SLCO5A1: variants seen among roughly 807,000 people sequenced by gnomAD.
SLCO5A1 encodes organic anion transporter polypeptide-related protein 4.
A neutral mutation model predicts 65.1 loss-of-function variants in SLCO5A1; 39 were observed. The observed-to-expected ratio is 0.60, with a 90% CI of 0.46 to 0.78. The LOEUF is 0.78. SLCO5A1 is among the 30% of genes least tolerant of loss of function. The pLI, the probability that SLCO5A1 is intolerant of heterozygous loss-of-function variation, is 0.00. For missense variants in SLCO5A1, 1,029 were observed against 1,069.4 expected, an observed-to-expected ratio of 0.96 and a Z score of 0.53; for synonymous variants, 438 against 415.7, an observed-to-expected ratio of 1.05 and a Z score of -0.65.
At chr8:69,774,312 G>A (rs146841408) in intron 2 of SLCO5A1, among the ~76,000 whole-genome samples, 5 of 152,270 alleles carry the variant, frequency 3.3e-5, no homozygotes, top group African/African-American at 1.2e-4. Flanking sequence ...CCCCAATAGA[G>A]TCCTTGATTT....
chr8:69,787,139 C>T (rs979220709), intron 2 of SLCO5A1, among the ~76,000 whole-genome samples: 7 of 152,174 alleles, frequency 4.6e-5, no homozygotes, highest in Admixed American at 4.6e-4. Context: ...CATTTCAACT[C>T]GTGGCATCTA....
rs568677179 is a variant in SLCO5A1 at position 69,780,441 on chromosome 8, G to T, written c.908-18566C>A. ...TGGAGGACTGGATAAAGAAAATGTG[G>T]TACATATACACAATGGAAAACTATT... On this transcript the variant is annotated intron_variant, in intron 2 of 9. Transcript: ENST00000260126. Among the ~76,000 whole-genome samples the T allele has an allele frequency of 1.9e-4, 29 of 152,234 alleles. No individual in the cohort carries two copies. In the South Asian group the frequency reaches 6.0e-3, roughly 32 times the overall value.
At chr8:69,684,216 T>A (rs1813909830) in intron 6 of SLCO5A1, among the ~76,000 whole-genome samples, 1 of 152,208 alleles carries the variant, frequency 6.6e-6, no homozygotes, top group Non-Finnish European at 1.5e-5. Context: ...CTAGTGGGTC[T>A]CCACTGGGTC....
At chr8:69,725,631 G>C (rs563599409) in intron 5 of SLCO5A1, among the ~76,000 whole-genome samples, 2 of 152,260 alleles carry the variant, frequency 1.3e-5, no homozygotes, top group South Asian at 4.2e-4. Flanking sequence ...GGGATGGTGG[G>C]ATGTTTGTTA....
intron 2 of SLCO5A1, among the ~76,000 whole-genome samples, chr8:69,795,014 G>A (rs1819431224): frequency 1.3e-5 from 2 of 152,154 alleles, no homozygotes; most frequent in African/African-American, 4.8e-5. Flanking sequence ...GCACTGAGGG[G>A]ATGGTGCTAA....
intron 6 of SLCO5A1, 91 bp from the exon 7 acceptor site, chr8:69,682,434 A>G (rs1168749124): frequency 1.6e-6 from 2 of 1,274,980 alleles, no homozygotes; most frequent in Non-Finnish European, 2.1e-6. Flanking sequence ...TCCATTTTAG[A>G]GAAAATATTC....
chr8:69,762,512 C>G (rs1435908480), intron 2 of SLCO5A1, among the ~76,000 whole-genome samples: 1 of 151,784 alleles, frequency 6.6e-6, no homozygotes, highest in South Asian at 2.1e-4. Flanking sequence ...GTGTTCAGAC[C>G]CCACTCCAGA....
At chr8:69,716,456 A>G (rs1014358142) in intron 5 of SLCO5A1, among the ~76,000 whole-genome samples, 8 of 152,206 alleles carry the variant, frequency 5.3e-5, no homozygotes, top group East Asian at 1.9e-4. Flanking sequence ...AAGGATTCCA[A>G]TTTCTACACA....
intron 2 of SLCO5A1, among the ~76,000 whole-genome samples, chr8:69,772,051 G>T (rs1818340088): frequency 6.6e-6 from 1 of 152,168 alleles, no homozygotes; most frequent in African/African-American, 2.4e-5. Flanking sequence ...CATCAAGACT[G>T]CTGCCCTCAT....
chr8:69,736,432 T>A (rs2130841854), intron 5 of SLCO5A1, among the ~76,000 whole-genome samples: 2 of 152,322 alleles, frequency 1.3e-5, no homozygotes, highest in South Asian at 4.1e-4. Context: ...ACTGCACTAC[T>A]CTCCCACTAA....
chr8:69,804,507 G>A (rs558590790), intron 2 of SLCO5A1, among the ~76,000 whole-genome samples: 15 of 152,060 alleles, frequency 9.9e-5, no homozygotes, highest in African/African-American at 3.1e-4. Context: ...GTAGAGGCGG[G>A]GTTTCACCAT....
At chr8:69,789,389 T>C (rs6472484) in intron 2 of SLCO5A1, among the ~76,000 whole-genome samples, 148,496 of 152,336 alleles carry the variant, frequency 0.97, 72,419 homozygotes, top group East Asian at 1. Flanking sequence ...TGTTTTAGCT[T>C]CCTAGGCAAG....
At chr8:69,756,216 C>G (rs987789126) in intron 3 of SLCO5A1, among the ~76,000 whole-genome samples, 1 of 152,130 alleles carries the variant, frequency 6.6e-6, no homozygotes. Flanking sequence ...ACCAGCCTGG[C>G]CAACATGGTG....
intron 2 of SLCO5A1, among the ~76,000 whole-genome samples, chr8:69,802,509 C>T (rs1290580900): frequency 7.7e-6 from 1 of 130,116 alleles, no homozygotes; most frequent in Non-Finnish European, 1.6e-5. Flanking sequence ...GACCCTATTT[C>T]AAAAAAACAC....
At chr8:69,729,446 C>CAAAAAAAAAAAAAAAA (rs56392223) in intron 5 of SLCO5A1, among the ~76,000 whole-genome samples, 3 of 80,524 alleles carry the variant, frequency 3.7e-5, no homozygotes, top group Non-Finnish European at 4.3e-5. Context: ...TCCGTCCCAA[C>CAAAAAAAAAAAAAAAA]AAAAAAAAAA....
intron 4 of SLCO5A1, among the ~76,000 whole-genome samples, chr8:69,749,307 G>C (rs1479748885): frequency 6.6e-6 from 1 of 151,992 alleles, no homozygotes; most frequent in African/African-American, 2.4e-5. Context: ...TCCCATATCA[G>C]TTGTCACACC....
intron 2 of SLCO5A1, among the ~76,000 whole-genome samples, chr8:69,769,582 T>C (rs1317908954): frequency 6.6e-6 from 1 of 152,246 alleles, no homozygotes; most frequent in East Asian, 1.9e-4. Flanking sequence ...AATTCTCTAA[T>C]AACTATTATT....
At chr8:69,797,756 C>T (rs1374423884) in intron 2 of SLCO5A1, among the ~76,000 whole-genome samples, 1 of 152,222 alleles carries the variant, frequency 6.6e-6, no homozygotes, top group Non-Finnish European at 1.5e-5. Flanking sequence ...GTTGTCTGCT[C>T]TCAAACCCTG....
rs1452743170 is a variant in SLCO5A1, at chr8:69,730,421, T to C, written c.1423+7619A>G. On this transcript the variant is annotated intron_variant, in intron 5 of 9. Transcript: ENST00000260126. Reference sequence around the variant, plus strand: ...TTTGGGAAAGTTATTTAATCTAAGATTTTAGGGAAGGAAGAATTATAGAGT... The same window carrying C: ...TTTGGGAAAGTTATTTAATCTAAGACTTTAGGGAAGGAAGAATTATAGAGT... Among the ~76,000 whole-genome samples the C allele has an allele frequency of 2.0e-5, 3 of 152,180 alleles. 1 individual carries two copies. In the East Asian group the frequency reaches 5.8e-4, roughly 29 times the overall value.
Sources: allele counts gnomAD v4.1 joint callset (sites outside exome capture counted in the v4.1 genomes callset), GRCh38; gene constraint gnomAD v4.1.1; transcripts MANE v1.5; gene names NCBI Gene and HGNC (gene_info 2026-07-23, HGNC 2026-07-21).